VAV1: variants seen among roughly 807,000 people sequenced by gnomAD.
VAV1 encodes vav guanine nucleotide exchange factor 1, also known as proto-oncogene vav.
Under a neutral mutation model 128.1 loss-of-function variants are expected in VAV1, and 33 were observed. The ratio of observed to expected loss-of-function variants is 0.26; its 90% CI spans 0.20 to 0.34. VAV1 has a LOEUF of 0.34. VAV1 is among the 10% of genes least tolerant of loss of function. The probability of loss-of-function intolerance (pLI) is 1.00; values close to 1 mark genes in which losing one functional copy is unlikely to be tolerated. For missense variants in VAV1, 715 were observed against 1,093.7 expected, an observed-to-expected ratio of 0.65 and a Z score of 4.88; for synonymous variants, 394 against 409.8, an observed-to-expected ratio of 0.96 and a Z score of 0.47.
intron 1 of VAV1, among the ~76,000 whole-genome samples, chr19:6,808,935 C>G (rs1971455530): frequency 6.6e-6 from 1 of 152,096 alleles, no homozygotes; most frequent in Non-Finnish European, 1.5e-5. Context: ...GGTCTCTCAT[C>G]CTCTGGCAAT....
chr19:6,792,566 C>CTGTTT (rs59781838), intron 1 of VAV1, among the ~76,000 whole-genome samples: 32,988 of 151,094 alleles, frequency 0.22, 3,812 homozygotes, highest in African/African-American at 0.3. Context: ...GTTCTTTTTT[C>CTGTTT]TGTTTTGTTT....
At chr19:6,811,966 C>A (rs1041115356) in intron 1 of VAV1, among the ~76,000 whole-genome samples, 1 of 152,190 alleles carries the variant, frequency 6.6e-6, no homozygotes, top group Non-Finnish European at 1.5e-5. Context: ...GAGTCTCAGC[C>A]TGCAGAAAAT....
intron 1 of VAV1, among the ~76,000 whole-genome samples, chr19:6,793,817 C>T (rs927232790): frequency 2.0e-5 from 3 of 152,074 alleles, no homozygotes; most frequent in African/African-American, 4.8e-5. Flanking sequence ...CTCAGTTTCC[C>T]TATCTTTCAA....
intron 1 of VAV1, among the ~76,000 whole-genome samples, chr19:6,818,843 T>C (rs540644826): frequency 9.9e-4 from 151 of 152,114 alleles, no homozygotes; most frequent in Non-Finnish European, 1.6e-3. Flanking sequence ...TGGCCGGGCG[T>C]GGTGGCTCAC....
chr19:6,779,983 C>T lies in VAV1; in HGVS notation c.204+6972C>T, dbSNP rs1005964495. Among the ~76,000 whole-genome samples, 645 of 148,724 alleles carry T rather than the reference C, an allele frequency of 4.3e-3. 10 individuals are homozygous for T. The highest frequency in any genetic ancestry group is 0.015 in the African/African-American group (604 of 40,972). Reference sequence around the variant, plus strand: ...AAAATTAGCCGGGCGTGGTTGCGGGCGCCTGTAGTCCCAGCTACTCGGGAG... The same window carrying T: ...AAAATTAGCCGGGCGTGGTTGCGGGTGCCTGTAGTCCCAGCTACTCGGGAG... On this transcript the variant is annotated intron_variant, in intron 1 of 26. Coordinates refer to ENST00000602142, the MANE Select transcript of VAV1 (RefSeq NM_005428.4).
At chr19:6,829,950 T>C in intron 14 of VAV1, 32 bp downstream of exon 14, 3 of 1,613,462 alleles carry the variant, frequency 1.9e-6, no homozygotes, top group Non-Finnish European at 2.5e-6. Flanking sequence ...TATGGGGTCC[T>C]CCACGCAGTC....
chr19:6,785,603 A>T (rs1035113847), intron 1 of VAV1, among the ~76,000 whole-genome samples: 3 of 149,988 alleles, frequency 2.0e-5, no homozygotes, highest in African/African-American at 7.4e-5. Context: ...AAGTGCTGGG[A>T]TTACTGATGT....
rs1971974484 is a variant in VAV1 at position 6,828,540 on chromosome 19, A to G, written c.1092+53A>G. 1.2e-6 allele frequency: 2 copies of G among 1,613,698 alleles called. No homozygotes were observed. Among genetic ancestry groups the G allele is most frequent in the Non-Finnish European group, 1.7e-6 (2 of 1,179,824 alleles). ...CACCTGCTGCAGACACCCTCCTGGT[A>G]GGGGCTGATCCTCTAGCCGGGATTA... On this transcript the variant is annotated intron_variant, in intron 11 of 26. Coordinates refer to ENST00000602142, the MANE Select transcript of VAV1 (RefSeq NM_005428.4). The surrounding 1 kb of genome is among the most constrained non-coding windows in gnomAD (Gnocchi z 4.5).
intron 1 of VAV1, among the ~76,000 whole-genome samples, chr19:6,807,774 T>C (rs7247388): frequency 0.92 from 139,997 of 151,790 alleles, 64,609 homozygotes; most frequent in Non-Finnish European, 0.93. Context: ...GGGCAGATCA[T>C]GAGGTCAGGA....
chr19:6,789,315 C>T (rs1026711406), intron 1 of VAV1, among the ~76,000 whole-genome samples: 15 of 151,052 alleles, frequency 9.9e-5, no homozygotes, highest in African/African-American at 2.9e-4. Context: ...TGCAGTGGCG[C>T]GATCTCGTCT....
rs545946170 is a variant in VAV1, at chr19:6,845,714, C to A, written c.2013-2284C>A. 7.0e-3 allele frequency among the ~76,000 whole-genome samples: 1,037 copies of A among 147,482 alleles called. 15 individuals are homozygous for A. The highest frequency in any genetic ancestry group is 0.024 in the African/African-American group (985 of 40,588). ...CATTTATGTTTATATTATATTATAC[C>A]ATACACAATATATTATAATAAGATT... On this transcript the variant is annotated intron_variant, in intron 22 of 26. Transcript: ENST00000602142.
chr19:6,820,889 T>C lies in VAV1; in HGVS notation c.321+71T>C, dbSNP rs552306451. ...CTATTGACGTCTACACTGGGCAAGC[T>C]AAGGACTGTCAGGGGACAGGCAGAC... On this transcript the variant is annotated intron_variant, in intron 2 of 26. Transcript: ENST00000602142. The surrounding 1 kb of genome is among the most constrained non-coding windows in gnomAD (Gnocchi z 4.4). The C allele has an allele frequency of 5.7e-4, 829 of 1,447,986 alleles. 1 individual carries two copies. The highest frequency in any genetic ancestry group is 7.5e-4 in the Non-Finnish European group (769 of 1,032,044). 89.7% of individuals were successfully genotyped at this position (1,447,986 alleles called of 1,614,324 possible). A position where few individuals can be genotyped will look rare whatever the true frequency, so the allele number is the denominator to read the frequency against.
intron 1 of VAV1, among the ~76,000 whole-genome samples, chr19:6,776,998 A>G (rs1599611353): frequency 1.3e-5 from 2 of 151,202 alleles, no homozygotes; most frequent in South Asian, 2.1e-4. Flanking sequence ...CTTGTGATCC[A>G]CTCGCCTCAG....
intron 1 of VAV1, among the ~76,000 whole-genome samples, chr19:6,783,430 T>C (rs1970810317): frequency 6.6e-6 from 1 of 150,488 alleles, no homozygotes; most frequent in Admixed American, 6.6e-5. Flanking sequence ...ATGAAAGAAT[T>C]TCCCAGGCCA....
chr19:6,826,657 C>A lies in VAV1; in HGVS notation c.873C>A (p.Ser291Arg). The A allele has an allele frequency of 6.4e-7, 1 of 1,562,826 alleles. No homozygotes were observed. The highest frequency in any genetic ancestry group is 8.7e-7 in the Non-Finnish European group (1 of 1,154,402). The change falls in exon 9 of 27, where the codon AGC becomes AGA. Residue 291 changes from serine (S) to arginine (R), a missense_variant. Physicochemically the swap from Ser to Arg is moderately radical, Grantham distance 110. This residue lies in a region of VAV1 where 302 missense variants were observed against 477.8 expected (regional missense o/e 0.63). Coordinates refer to ENST00000602142, the MANE Select transcript of VAV1 (RefSeq NM_005428.4). The surrounding 1 kb of genome is among the most constrained non-coding windows in gnomAD (Gnocchi z 4.1). ...GRYCSQVESA[S>R]KHLDRVAAAR... ...ACTGCAGCCAGGTGGAGTCAGCCAG[C>A]AAACACCTGGACCGTGTGGCCGCAG...
At chr19:6,780,939 C>T (rs1970756432) in intron 1 of VAV1, among the ~76,000 whole-genome samples, 1 of 150,400 alleles carries the variant, frequency 6.6e-6, no homozygotes, top group Non-Finnish European at 1.5e-5. Flanking sequence ...GACAGAGTCT[C>T]ACTCTGTCAC....
At chr19:6,834,196 G>A (rs1972163125) in intron 19 of VAV1, among the ~76,000 whole-genome samples, 1 of 151,538 alleles carries the variant, frequency 6.6e-6, no homozygotes, top group South Asian at 2.1e-4. Context: ...ACGTTGCCCA[G>A]CCATACTGTA....
chr19:6,853,092 A>C lies in VAV1; in HGVS notation c.2332+13A>C. 6.2e-7 allele frequency: 1 copy of C among 1,609,002 alleles called. No homozygotes were observed. The highest frequency in any genetic ancestry group is 8.5e-7 in the Non-Finnish European group (1 of 1,176,466). On this transcript the variant is annotated intron_variant, in intron 25 of 26. Coordinates refer to ENST00000602142, the MANE Select transcript of VAV1 (RefSeq NM_005428.4). Reference sequence around the variant, plus strand: ...AGCAGGCCAGCAGGTAGGAGGTCTCAGACTGGGGGCTTACAGCCTCAGCCC... The same window carrying C: ...AGCAGGCCAGCAGGTAGGAGGTCTCCGACTGGGGGCTTACAGCCTCAGCCC...
chr19:6,850,337 C>T (rs953985654), intron 23 of VAV1, among the ~76,000 whole-genome samples: 1 of 146,488 alleles, frequency 6.8e-6, no homozygotes, highest in African/African-American at 2.6e-5. Flanking sequence ...TGGGTCTTTC[C>T]TCCCTCTTCC....
Sources: gnomAD v4.1 joint callset for allele counts (sites outside exome capture counted in the v4.1 genomes callset) on GRCh38, gnomAD v4.1.1 for gene constraint, gnomAD v4.1.1 regional missense constraint, Gnocchi (gnomAD v3.1) non-coding constraint, MANE v1.5 for transcripts, NCBI Gene and HGNC (gene_info 2026-07-23, HGNC 2026-07-21) for gene names.